The following ADGRB3 variants were observed in gnomAD, a reference collection of about 807,000 sequenced individuals.
The protein encoded by ADGRB3 is adhesion G protein-coupled receptor B3, also known as brain-specific angiogenesis inhibitor 3.
ADGRB3 carries 37 observed loss-of-function variants against 193.4 expected under a neutral mutation model. That is an observed-to-expected ratio of 0.19 (90% CI 0.15 to 0.25). The LOEUF (loss-of-function observed/expected upper bound fraction) is 0.25, where lower values mean the gene tolerates loss of function less well. ADGRB3 is among the 10% of genes least tolerant of loss of function. The pLI is 1.00. For synonymous variants in ADGRB3, 690 were observed against 644.2 expected, an observed-to-expected ratio of 1.07 and a Z score of -1.08; for missense variants, 1,637 against 1,852.9, an observed-to-expected ratio of 0.88 and a Z score of 2.14.
intron 3 of ADGRB3, among the ~76,000 whole-genome samples, chr6:68,756,596 A>G (rs1159223060): frequency 1.3e-5 from 2 of 152,110 alleles, no homozygotes; most frequent in Non-Finnish European, 2.9e-5. Context: ...GCTATATTCA[A>G]TACCAAAAAA....
intron 3 of ADGRB3, among the ~76,000 whole-genome samples, chr6:68,645,936 G>C (rs1768202384): frequency 6.6e-6 from 1 of 151,722 alleles, no homozygotes; most frequent in South Asian, 2.1e-4. Context: ...GGCCTCCCAA[G>C]TGCTAGGATT....
chr6:69,285,388 T>C (rs779679266), intron 20 of ADGRB3, among the ~76,000 whole-genome samples: 7 of 152,104 alleles, frequency 4.6e-5, no homozygotes, highest in Admixed American at 2.6e-4. Context: ...CTTTTAAAAA[T>C]AGTACTGTCA....
intron 20 of ADGRB3, among the ~76,000 whole-genome samples, chr6:69,309,057 AAC>A (rs886910564): frequency 1.3e-5 from 2 of 151,724 alleles, no homozygotes; most frequent in African/African-American, 4.8e-5. Context: ...TCTCCACAAC[AAC>A]AGTGATTGGT....
At chr6:69,277,033 G>A (rs1042849459) in intron 20 of ADGRB3, among the ~76,000 whole-genome samples, 11 of 134,578 alleles carry the variant, frequency 8.2e-5, no homozygotes, top group Admixed American at 7.5e-4. Flanking sequence ...GTCTCGCTCT[G>A]TCACCATGCT....
At chr6:69,286,996 C>G (rs879040297) in intron 20 of ADGRB3, among the ~76,000 whole-genome samples, 4 of 152,120 alleles carry the variant, frequency 2.6e-5, no homozygotes, top group African/African-American at 9.7e-5. Flanking sequence ...GAAGCTTTGT[C>G]CACTGAACCA....
intron 17 of ADGRB3, among the ~76,000 whole-genome samples, chr6:69,168,656 A>G (rs1238311053): frequency 6.6e-6 from 1 of 152,004 alleles, no homozygotes; most frequent in Non-Finnish European, 1.5e-5. Context: ...ATTAATTTAA[A>G]TTAATTTAAA....
At position 68,993,776 on chromosome 6, in the gene ADGRB3, G is replaced by A. The variant is rs773250653; in HGVS notation, c.1743G>A (p.Glu581=). ...TCTTTTGACCATCACAGATTAAAGA[G>A]CACCTTGCTAAGGGGCAGCGAATGC... ...EYRHLQHSIK[E]HLAKGQRMLA... is the part of the protein sequence containing the mutation. The change falls in exon 11 of 32, where the codon GAG becomes GAA. Residue 581 remains glutamate, a synonymous_variant. Coordinates refer to ENST00000370598, the MANE Select transcript of ADGRB3 (RefSeq NM_001704.3). 4 of 1,613,098 alleles carry A rather than the reference G, an allele frequency of 2.5e-6. No individual in the cohort carries two copies. The highest frequency in any genetic ancestry group is 1.1e-5 in the South Asian group (1 of 90,986).
chr6:68,784,090 G>A (rs191100028), intron 3 of ADGRB3, among the ~76,000 whole-genome samples: 25 of 152,138 alleles, frequency 1.6e-4, no homozygotes, highest in Admixed American at 1.5e-3. Context: ...AATAAATGTA[G>A]TTCTATAATT....
intron 20 of ADGRB3, among the ~76,000 whole-genome samples, chr6:69,285,430 C>T (rs1402885521): frequency 6.6e-6 from 1 of 151,976 alleles, no homozygotes; most frequent in East Asian, 1.9e-4. Flanking sequence ...TCTGTAATCC[C>T]AGCACTTTGG....
intron 17 of ADGRB3, among the ~76,000 whole-genome samples, chr6:69,179,730 G>A (rs1554165238): frequency 6.6e-6 from 1 of 152,126 alleles, no homozygotes; most frequent in Non-Finnish European, 1.5e-5. Context: ...TGCTGGGTAA[G>A]GTTTTTTGGC....
intron 3 of ADGRB3, among the ~76,000 whole-genome samples, chr6:68,912,414 A>T (rs1195750160): frequency 1.3e-5 from 2 of 151,830 alleles, no homozygotes; most frequent in East Asian, 3.9e-4. Flanking sequence ...CATGTGCACA[A>T]TGTGCAGGTT....
intron 17 of ADGRB3, among the ~76,000 whole-genome samples, chr6:69,099,211 A>G (rs1216529446): frequency 6.6e-6 from 1 of 152,208 alleles, no homozygotes; most frequent in East Asian, 1.9e-4. Context: ...CCCCCACAGC[A>G]AAGAATTATC....
At chr6:68,893,059 T>A (rs943814281) in intron 3 of ADGRB3, among the ~76,000 whole-genome samples, 4 of 152,146 alleles carry the variant, frequency 2.6e-5, no homozygotes, top group African/African-American at 7.2e-5. Flanking sequence ...TGGAAAATTT[T>A]TGCTCAGGGT....
chr6:68,736,485 T>G (rs950253865), intron 3 of ADGRB3, among the ~76,000 whole-genome samples: 1 of 152,146 alleles, frequency 6.6e-6, no homozygotes, highest in East Asian at 1.9e-4. Context: ...CTAATTAGAC[T>G]TAATTAAATG....
intron 3 of ADGRB3, among the ~76,000 whole-genome samples, chr6:68,735,925 C>T (rs1218756778): frequency 3.3e-5 from 5 of 152,110 alleles, no homozygotes; most frequent in Non-Finnish European, 1.5e-5. Flanking sequence ...TATTTTATTA[C>T]ATTTTTTTGC....
chr6:69,343,478 CA>C (rs989538212), intron 26 of ADGRB3, among the ~76,000 whole-genome samples: 3 of 151,742 alleles, frequency 2.0e-5, no homozygotes, highest in Non-Finnish European at 2.9e-5. Flanking sequence ...TTAGTGGGTC[CA>C]ATTTTACACT....
chr6:68,939,364 A>T (rs1366538014), intron 5 of ADGRB3, among the ~76,000 whole-genome samples: 1 of 151,928 alleles, frequency 6.6e-6, no homozygotes, highest in Non-Finnish European at 1.5e-5. Context: ...AGTGACTCAA[A>T]CCTTTTACCC....
At chr6:68,745,591 C>A (rs894136296) in intron 3 of ADGRB3, among the ~76,000 whole-genome samples, 1 of 151,934 alleles carries the variant, frequency 6.6e-6, no homozygotes, top group Non-Finnish European at 1.5e-5. Flanking sequence ...AAAAAATATT[C>A]TCAGTAGATA....
intron 13 of ADGRB3, among the ~76,000 whole-genome samples, chr6:69,020,197 G>T (rs1770223051): frequency 6.6e-6 from 1 of 151,958 alleles, no homozygotes; most frequent in African/African-American, 2.4e-5. Context: ...ATCCTAAAAG[G>T]TATTGCTAAT....
Sources: gnomAD v4.1 joint callset for allele counts (sites outside exome capture counted in the v4.1 genomes callset) on GRCh38, gnomAD v4.1.1 for gene constraint, MANE v1.5 for transcripts, NCBI Gene and HGNC (gene_info 2026-07-23, HGNC 2026-07-21) for gene names.